Variants in TRMT13 observed in about 807,000 individuals in gnomAD.
The protein encoded by TRMT13 is tRNA methyltransferase 13.
TRMT13 carries 45 observed loss-of-function variants against 55.9 expected under a neutral mutation model. The ratio of observed to expected loss-of-function variants is 0.80; its 90% CI spans 0.63 to 1.03. The LOEUF is 1.03. Among genes scored for constraint, TRMT13 ranks in the 50% least tolerant of loss-of-function variants. TRMT13 has a pLI of 0.00. For missense variants in TRMT13, 513 were observed against 563.9 expected (o/e 0.91, Z 0.91); for synonymous variants, 183 against 196.3 (o/e 0.93, Z 0.57).
chr1:100,140,620 A>AAACAATTT, intron 6 of TRMT13, 106 bp downstream of exon 6: 1 of 981,264 alleles, frequency 1.0e-6, no homozygotes, highest in Non-Finnish European at 1.5e-6. Flanking sequence ...CTTTGAGGGT[A>AAACAATTT]CCAAATATTT....
At chr1:100,137,199 T>C (rs944176920) in intron 3 of TRMT13, 114 bp downstream of exon 3, 13 of 916,996 alleles carry the variant, frequency 1.4e-5, no homozygotes, top group South Asian at 3.3e-5. Flanking sequence ...TCAGGAAATA[T>C]AATTTTTTTT....
intron 9 of TRMT13, among the ~76,000 whole-genome samples, chr1:100,147,128 C>CT (rs1392841230): frequency 6.6e-6 from 1 of 152,156 alleles, no homozygotes; most frequent in Admixed American, 6.5e-5. Context: ...CATTTTGGGT[C>CT]TTTCCAGTAT....
intron 9 of TRMT13, among the ~76,000 whole-genome samples, chr1:100,144,733 A>G (rs766170073): frequency 2.0e-5 from 3 of 152,192 alleles, no homozygotes; most frequent in Non-Finnish European, 4.4e-5. Flanking sequence ...TACCTCATCT[A>G]TAAAACAGAG....
At chr1:100,133,604 C>T (rs530539925) in intron 1 of TRMT13, among the ~76,000 whole-genome samples, 1 of 152,286 alleles carries the variant, frequency 6.6e-6, no homozygotes, top group Admixed American at 6.5e-5. Flanking sequence ...TTACCCCAAG[C>T]TACCGCTCCG....
intron 3 of TRMT13, 121 bp downstream of exon 3, chr1:100,137,206 T>G (rs1655993855): frequency 1.2e-6 from 1 of 847,776 alleles, no homozygotes; most frequent in African/African-American, 1.7e-5. Context: ...ATATAATTTT[T>G]TTTTAAAGAG....
rs1656547933 is a variant in TRMT13 at position 100,140,970 on chromosome 1, C to A, written c.620C>A (p.Ala207Asp). 1.9e-6 allele frequency: 3 copies of A among 1,613,260 alleles called. No individual in the cohort carries two copies. The South Asian group carries it at 3.3e-5, about 18-fold the overall frequency. The change falls in exon 7 of 11, where the codon GCT (alanine) becomes GAT (aspartate). Residue 207 changes from alanine to aspartate, a missense_variant. Physicochemically the swap from Ala to Asp is moderately radical, Grantham distance 126. Coordinates refer to ENST00000370141, the MANE Select transcript of TRMT13 (RefSeq NM_019083.3). ...TGGGTTGATATTGCCTTAAAAGATG[C>A]TGAAAAAGTTCACTTCATCCTAGTG... ...SHWVDIALKDAEKVHFILVEK... is the reference protein window; with the variant it reads ...SHWVDIALKDDEKVHFILVEK...
At chr1:100,144,229 A>G (rs1656963073) in intron 9 of TRMT13, 86 bp downstream of exon 9, 3 of 910,954 alleles carry the variant, frequency 3.3e-6, no homozygotes, top group East Asian at 5.1e-5. Flanking sequence ...TCTCTTTTGA[A>G]TAGATATCTT....
At chr1:100,146,271 A>G (rs1215776020) in intron 9 of TRMT13, among the ~76,000 whole-genome samples, 3 of 152,146 alleles carry the variant, frequency 2.0e-5, no homozygotes, top group Non-Finnish European at 2.9e-5. Context: ...ATCTGTTTAT[A>G]TATCTAATTC....
chr1:100,144,167 T>C (rs1399248109), intron 9 of TRMT13, 24 bp downstream of exon 9: 1 of 1,593,140 alleles, frequency 6.3e-7, no homozygotes, highest in Non-Finnish European at 8.6e-7. Context: ...CTGATAATGT[T>C]TACATTAATG....
At chr1:100,139,621 G>A (rs1656342852) in intron 3 of TRMT13, 28 bp from the exon 4 acceptor site, 1 of 1,393,592 alleles carries the variant, frequency 7.2e-7, no homozygotes, top group African/African-American at 1.4e-5. Flanking sequence ...ATTATTAACA[G>A]TTCTTTTATG....
intron 1 of TRMT13, among the ~76,000 whole-genome samples, chr1:100,135,571 G>T (rs60221659): frequency 0.041 from 6,284 of 152,154 alleles, 324 homozygotes; most frequent in African/African-American, 0.12. Context: ...CTCACTTAAT[G>T]TGTTCAAACC....
chr1:100,141,155 T>C, intron 7 of TRMT13, 136 bp downstream of exon 7: 3 of 784,660 alleles, frequency 3.8e-6, no homozygotes, highest in Non-Finnish European at 5.8e-6. Context: ...TTTTTATTAG[T>C]TCTAATTGTA....
In TRMT13 at chr1:100,149,934, A is replaced by G. The variant is rs976271332; in HGVS notation, c.*1114A>G. ...AGTTCTATGATTATATGATTTGTAA[A>G]TAAGAAGCCTAACCAATTTAAAATT... On this transcript the variant is annotated 3_prime_UTR_variant, in exon 11 of 11. Coordinates refer to ENST00000370141, the MANE Select transcript of TRMT13 (RefSeq NM_019083.3). 3.9e-5 allele frequency: 6 copies of G among 152,674 alleles called. No homozygotes were observed. The highest frequency in any genetic ancestry group is 7.2e-5 in the African/African-American group (3 of 41,454). 9.5% of individuals were successfully genotyped at this position (152,674 alleles called of 1,614,324 possible). A position where few individuals can be genotyped will look rare whatever the true frequency, so the allele number is the denominator to read the frequency against.
chr1:100,146,359 A>T (rs1657249722), intron 9 of TRMT13, among the ~76,000 whole-genome samples: 1 of 152,232 alleles, frequency 6.6e-6, no homozygotes, highest in Admixed American at 6.5e-5. Context: ...AACACAGTGA[A>T]TATTTGAATG....
chr1:100,135,300 A>G (rs555487328), intron 1 of TRMT13, among the ~76,000 whole-genome samples: 4 of 152,010 alleles, frequency 2.6e-5, no homozygotes, highest in Non-Finnish European at 4.4e-5. Flanking sequence ...AGTCTTTTAC[A>G]TGGAGGTTAG....
chr1:100,140,048 G>T (rs1656396631), intron 4 of TRMT13, 134 bp from the exon 5 acceptor site: 2 of 632,354 alleles, frequency 3.2e-6, no homozygotes, highest in Admixed American at 3.2e-5. Flanking sequence ...TGGCAGCTTA[G>T]GGAAAAGGCT....
At chr1:100,142,061 A>T (rs1287682517) in intron 7 of TRMT13, among the ~76,000 whole-genome samples, 1 of 152,206 alleles carries the variant, frequency 6.6e-6, no homozygotes, top group Non-Finnish European at 1.5e-5. Flanking sequence ...AATAGAAAAA[A>T]GATTTAGTTC....
rs143759315 is a variant in TRMT13 at position 100,145,278 on chromosome 1, T to C, written c.817+1135T>C. Among the ~76,000 whole-genome samples the C allele has an allele frequency of 3.7e-3, 564 of 152,318 alleles. 3 individuals carry two copies. The highest frequency in any genetic ancestry group is 0.013 in the African/African-American group (522 of 41,574). The stretch of plus-strand genomic sequence containing the variant: ...AAAACATACACCAATAGTTAAGCAA[T>C]GCATGACTGTACTTTTGCATACCTT... On this transcript the variant is annotated intron_variant, in intron 9 of 10. Coordinates refer to ENST00000370141, the MANE Select transcript of TRMT13 (RefSeq NM_019083.3).
intron 9 of TRMT13, among the ~76,000 whole-genome samples, chr1:100,146,173 A>C (rs1254281080): frequency 6.6e-6 from 1 of 151,680 alleles, no homozygotes; most frequent in Non-Finnish European, 1.5e-5. Context: ...AGTTGTCACC[A>C]CTCTCAGGGA....
Sources: allele counts gnomAD v4.1 joint callset (sites outside exome capture counted in the v4.1 genomes callset), GRCh38; gene constraint gnomAD v4.1.1; transcripts MANE v1.5; gene names NCBI Gene and HGNC (gene_info 2026-07-23, HGNC 2026-07-21).